The following GADL1 variants were observed in gnomAD, a reference collection of about 807,000 sequenced individuals.
GADL1 encodes acidic amino acid decarboxylase GADL1.
In GADL1, 71 loss-of-function variants were observed where a neutral mutation model predicts 69.5. The ratio of observed to expected loss-of-function variants is 1.02; its 90% CI spans 0.84 to 1.25. GADL1 has a LOEUF of 1.25. Ranked by LOEUF, GADL1 falls within the 50% of genes most tolerant of loss-of-function variation. The pLI is 0.00. For synonymous variants in GADL1, 254 were observed against 214.4 expected (o/e 1.18, Z -1.62); for missense variants, 737 against 631.8 (o/e 1.17, Z -1.79).
At chr3:30,756,047 G>A (rs1695962587) in intron 14 of GADL1, among the ~76,000 whole-genome samples, 1 of 152,064 alleles carries the variant, frequency 6.6e-6, no homozygotes, top group Non-Finnish European at 1.5e-5. Flanking sequence ...CTGTGCAGGA[G>A]ACCTAGGGCT....
rs1297035668 is a variant in GADL1 at position 30,850,009 on chromosome 3, A to T, written c.638T>A (p.Phe213Tyr). Residue 213 changes from phenylalanine (F) to tyrosine (Y), a missense_variant, in exon 6 of 15, where the codon TTC becomes TAC. Transcript: ENST00000282538. ...AATAATTTTTACCTCTGCAGATGTG[A>T]AAAGGATTAATCTTGGCGAACCAGA... ...GLSGSPRLIL[F>Y]TSAECHYSMK... The T allele has an allele frequency of 1.3e-6, 2 of 1,589,316 alleles. No homozygotes were observed. Among genetic ancestry groups the T allele is most frequent in the African/African-American group, 1.3e-5 (1 of 74,398 alleles).
chr3:30,894,645 C>T lies in GADL1; in HGVS notation c.-31G>A, dbSNP rs1204657907. On this transcript the variant is annotated 5_prime_UTR_variant, in exon 1 of 15. Coordinates refer to ENST00000282538, the MANE Select transcript of GADL1 (RefSeq NM_207359.3). ...CTCCCCCACTCCAGGCTGCCCCGGG[C>T]GCGGCTCCCGCAGTCTGGGCGGCGA... 2 of 1,547,702 alleles carry T rather than the reference C, an allele frequency of 1.3e-6. No individual in the cohort carries two copies. Among genetic ancestry groups the T allele is most frequent in the African/African-American group, 2.7e-5 (2 of 72,988 alleles).
intron 14 of GADL1, among the ~76,000 whole-genome samples, chr3:30,754,454 C>G (rs926492700): frequency 1.5e-4 from 23 of 151,888 alleles, no homozygotes; most frequent in Admixed American, 1.4e-3. Flanking sequence ...AGAAAAAAGC[C>G]TCATAGGAAT....
At chr3:30,801,623 C>G (rs1339338799) in intron 11 of GADL1, among the ~76,000 whole-genome samples, 1 of 152,190 alleles carries the variant, frequency 6.6e-6, no homozygotes, top group East Asian at 1.9e-4. Flanking sequence ...TACCACAGAA[C>G]ATCAGCTATA....
intron 1 of GADL1, 115 bp from the exon 2 acceptor site, chr3:30,861,880 G>A: frequency 1.1e-5 from 7 of 647,642 alleles, no homozygotes; most frequent in Non-Finnish European, 1.3e-5. Flanking sequence ...TTTAATACAT[G>A]AAGGCATCAT....
At chr3:30,865,305 A>ATATT (rs1553603323) in intron 1 of GADL1, among the ~76,000 whole-genome samples, 6 of 123,568 alleles carry the variant, frequency 4.9e-5, no homozygotes, top group South Asian at 2.3e-4. Flanking sequence ...ATATATATAT[A>ATATT]TTTTTTAATA....
intron 1 of GADL1, among the ~76,000 whole-genome samples, chr3:30,874,642 T>C (rs770843739): frequency 5.3e-5 from 8 of 151,974 alleles, no homozygotes; most frequent in Admixed American, 1.3e-4. Context: ...CTAAGTGTTA[T>C]CTACATTCCA....
intron 12 of GADL1, among the ~76,000 whole-genome samples, chr3:30,792,924 C>T (rs1430946726): frequency 6.6e-6 from 1 of 152,078 alleles, no homozygotes; most frequent in Non-Finnish European, 1.5e-5. Context: ...TTGAACATTG[C>T]TACGTGAACA....
chr3:30,794,542 C>T (rs1229794853), intron 12 of GADL1, among the ~76,000 whole-genome samples: 1 of 152,166 alleles, frequency 6.6e-6, no homozygotes, highest in African/African-American at 2.4e-5. Flanking sequence ...CCAGTAATCA[C>T]ATGTTGCTTT....
chr3:30,872,814 G>A (rs1373656382), intron 1 of GADL1, among the ~76,000 whole-genome samples: 2 of 151,826 alleles, frequency 1.3e-5, no homozygotes, highest in African/African-American at 4.8e-5. Flanking sequence ...TGAAACTAGA[G>A]AGCCATATGA....
At position 30,861,672 on chromosome 3, in the gene GADL1, GC is replaced by G. The variant is rs1698323405; in HGVS notation, c.130del (p.Ala44LeufsTer12). ...GGCCTCTTCAACAAATTTTTCTCCA[GC>G]TTTTGCATCTGTTGTAGGACCATTC... ...VLNGPTTDAK[A>X]GEKFVEEACR... is the part of the protein sequence containing the mutation. On this transcript the variant is annotated frameshift_variant, in exon 2 of 15. Transcript: ENST00000282538. LOFTEE classifies it high-confidence loss of function. 1 of 1,550,216 alleles carries G rather than the reference GC, an allele frequency of 6.5e-7. No homozygotes were observed. The highest frequency in any genetic ancestry group is 2.0e-5 in the Admixed American group (1 of 50,892).
At chr3:30,863,238 T>C (rs550612261) in intron 1 of GADL1, among the ~76,000 whole-genome samples, 1 of 152,092 alleles carries the variant, frequency 6.6e-6, no homozygotes. Context: ...GCTTTGTCCC[T>C]GAGAGCCCCT....
At chr3:30,754,633 A>T (rs1575185896) in intron 14 of GADL1, among the ~76,000 whole-genome samples, 1 of 39,526 alleles carries the variant, frequency 2.5e-5, no homozygotes, top group East Asian at 8.2e-4. Flanking sequence ...CCAAGAATAC[A>T]AAAAAAAAAC....
chr3:30,852,305 A>G (rs1269519634), intron 4 of GADL1, among the ~76,000 whole-genome samples: 2 of 152,108 alleles, frequency 1.3e-5, no homozygotes, highest in South Asian at 2.1e-4. Context: ...ATAGGTCAGG[A>G]GTTCAAGACC....
chr3:30,833,351 G>A (rs1408168772), intron 11 of GADL1, among the ~76,000 whole-genome samples: 1 of 152,022 alleles, frequency 6.6e-6, no homozygotes, highest in African/African-American at 2.4e-5. Context: ...CCAACCACTT[G>A]GGATGAGCAA....
chr3:30,854,788 G>A lies in GADL1; in HGVS notation c.339C>T (p.Asn113=), dbSNP rs1414991503. The change falls in exon 4 of 15, where the codon AAC becomes AAT. Residue 113 remains asparagine, a splice_region_variant and synonymous_variant. Transcript: ENST00000282538. ...RDVIHYSVKT[N]HPRFFNQLYA... ...ACAATTGGTTGAAAAATCTTGGGTG[G>A]TCTGTAAATTTAAAATGGAGTATTC... The A allele has an allele frequency of 6.5e-7, 1 of 1,531,520 alleles. No homozygotes were observed. The highest frequency in any genetic ancestry group is 2.5e-5 in the East Asian group (1 of 40,738). The allele number at this position is 1,531,520 out of a possible 1,614,324, so 94.9% of individuals were successfully genotyped here.
At chr3:30,807,088 C>T (rs994255491) in intron 11 of GADL1, among the ~76,000 whole-genome samples, 3 of 152,166 alleles carry the variant, frequency 2.0e-5, no homozygotes, top group African/African-American at 7.2e-5. Context: ...TTCTACCCAT[C>T]ATACATAAGT....
chr3:30,737,718 G>T (rs992505959), intron 14 of GADL1, among the ~76,000 whole-genome samples: 8 of 151,998 alleles, frequency 5.3e-5, no homozygotes, highest in African/African-American at 1.4e-4. Context: ...AGAATATGAA[G>T]AAAAAAGCCA....
chr3:30,809,778 G>A (rs1361355194), intron 11 of GADL1, among the ~76,000 whole-genome samples: 2 of 152,122 alleles, frequency 1.3e-5, no homozygotes, highest in Non-Finnish European at 2.9e-5. Context: ...TTTATTACAA[G>A]TATATATTAA....
Sources: allele counts gnomAD v4.1 joint callset (sites outside exome capture counted in the v4.1 genomes callset), GRCh38; gene constraint gnomAD v4.1.1; transcripts MANE v1.5; gene names NCBI Gene and HGNC (gene_info 2026-07-23, HGNC 2026-07-21).